EDDM3A: variants seen among roughly 807,000 people sequenced by gnomAD.
EDDM3A encodes the protein epididymal protein 3A.
For missense variants in EDDM3A, 199 were observed against 177.4 expected (o/e 1.12, Z -0.69); for synonymous variants, 75 against 60.4 (o/e 1.24, Z -1.12).
upstream of EDDM3A, among the ~76,000 whole-genome samples, chr14:20,744,560 G>T (rs922134232): frequency 6.6e-6 from 1 of 152,148 alleles, no homozygotes; most frequent in African/African-American, 2.4e-5. Context: ...GGAAAATTCC[G>T]GCTGTGATGT....
the EDDM3A span, among the ~76,000 whole-genome samples, chr14:20,736,436 A>T: frequency 6.6e-6 from 1 of 152,136 alleles, no homozygotes; most frequent in African/African-American, 2.4e-5. Context: ...GGTTCAAAAT[A>T]ATATAGAGTT....
upstream of EDDM3A, among the ~76,000 whole-genome samples, chr14:20,745,406 G>A (rs552239447): frequency 2.7e-4 from 41 of 151,984 alleles, no homozygotes; most frequent in South Asian, 8.3e-3. Context: ...GGCGCCTATA[G>A]TCCCAGCTAC....
intron 1 of EDDM3A, among the ~76,000 whole-genome samples, chr14:20,746,224 A>G (rs1046152429): frequency 3.3e-5 from 5 of 151,976 alleles, no homozygotes; most frequent in African/African-American, 1.2e-4. Flanking sequence ...CTACTCTTCT[A>G]TCTTGTGTAG....
At chr14:20,740,230 G>C in the EDDM3A span, among the ~76,000 whole-genome samples, 1 of 152,306 alleles carries the variant, frequency 6.6e-6, no homozygotes, top group African/African-American at 2.4e-5. Context: ...TTGACTTGCT[G>C]GGCATAAGGC....
chr14:20,741,855 T>G (rs1243840865), upstream of EDDM3A, among the ~76,000 whole-genome samples: 4 of 151,770 alleles, frequency 2.6e-5, no homozygotes. Context: ...TAGATACCAG[T>G]GCCACCTACT....
Position 20,748,336 on chromosome 14 carries a change from T to A in EDDM3A, c.*312T>A. The A allele has an allele frequency of 4.1e-6, 1 of 246,186 alleles. No individual in the cohort carries two copies. The allele number at this position is 246,186 out of a possible 1,614,324, so 15.3% of individuals were successfully genotyped here. Reference sequence around the variant, plus strand: ...TGACTCTCTTTATACCTACCCAAGCTGAACGACCCTCCTTTTCTTAAATAA... The same window carrying A: ...TGACTCTCTTTATACCTACCCAAGCAGAACGACCCTCCTTTTCTTAAATAA... On this transcript the variant is annotated 3_prime_UTR_variant, in exon 2 of 2. Transcript: ENST00000326842.
At chr14:20,737,263 C>T in the EDDM3A span, among the ~76,000 whole-genome samples, 1 of 151,984 alleles carries the variant, frequency 6.6e-6, no homozygotes, top group African/African-American at 2.4e-5. Flanking sequence ...GCCATGTTGG[C>T]CAGGCTGGTC....
At chr14:20,742,014 T>C (rs1288748849), upstream of EDDM3A, among the ~76,000 whole-genome samples, 3 of 152,258 alleles carry the variant, frequency 2.0e-5, no homozygotes, top group Non-Finnish European at 4.4e-5. Context: ...TACATATGCC[T>C]GAATACCTTA....
the EDDM3A span, among the ~76,000 whole-genome samples, chr14:20,736,269 C>A: frequency 2.0e-5 from 3 of 152,018 alleles, no homozygotes; most frequent in African/African-American, 7.3e-5. Context: ...GTCACCATGC[C>A]CAGCTAATTT....
the EDDM3A span, among the ~76,000 whole-genome samples, chr14:20,737,532 T>C: frequency 2.0e-5 from 3 of 152,292 alleles, no homozygotes; most frequent in South Asian, 2.1e-4. Context: ...CTAGACTCAG[T>C]TCCTTAAGAA....
upstream of EDDM3A, among the ~76,000 whole-genome samples, chr14:20,743,216 C>T (rs1314458396): frequency 1.3e-5 from 2 of 152,174 alleles, no homozygotes; most frequent in African/African-American, 2.4e-5. Flanking sequence ...TTTTGTGAAA[C>T]AGTAGTTCAC....
the EDDM3A span, among the ~76,000 whole-genome samples, chr14:20,736,107 CTTT>C: frequency 0.45 from 64,446 of 144,662 alleles, 14,890 homozygotes; most frequent in East Asian, 0.66. Flanking sequence ...CCCATCATCA[CTTT>C]TTTTTTTTTT....
At position 20,747,584 on chromosome 14, in the gene EDDM3A, A is replaced by T; in HGVS notation, c.4A>T (p.Thr2Ser). 6.3e-7 allele frequency: 1 copy of T among 1,597,690 alleles called. No individual in the cohort carries two copies. The highest frequency in any genetic ancestry group is 8.5e-7 in the Non-Finnish European group (1 of 1,171,926). ...GCAGGTGGACGTGGTGACTGAGATG[A>T]CATCCTCTCTAAAGATTTGGGGCAT... is the stretch of plus-strand genomic sequence containing the variant. Reference protein sequence around the residue: MTSSLKIWGILL... With the variant: MSSSLKIWGILL... The change falls in exon 2 of 2, where the codon ACA (threonine) becomes TCA (serine). Residue 2 changes from threonine to serine, a missense_variant. Thr to Ser is a moderately conservative substitution (Grantham distance 58). Transcript: ENST00000326842.
upstream of EDDM3A, among the ~76,000 whole-genome samples, chr14:20,745,078 T>C (rs575936744): frequency 6.6e-6 from 1 of 152,110 alleles, no homozygotes; most frequent in Non-Finnish European, 1.5e-5. Context: ...TACAAAAAAC[T>C]AGCCAGGCAT....
the EDDM3A span, among the ~76,000 whole-genome samples, chr14:20,737,054 C>CT: frequency 0.17 from 18,929 of 109,898 alleles, 2,102 homozygotes; most frequent in African/African-American, 0.33. Context: ...TTTCTTTTTC[C>CT]TTTTTTTTTT....
chr14:20,736,463 T>A, the EDDM3A span, among the ~76,000 whole-genome samples: 1 of 152,198 alleles, frequency 6.6e-6, no homozygotes, highest in Non-Finnish European at 1.5e-5. Context: ...GCTTATATTT[T>A]GAATGAATTA....
the EDDM3A span, among the ~76,000 whole-genome samples, chr14:20,736,944 C>T: frequency 2.0e-5 from 3 of 151,756 alleles, no homozygotes; most frequent in South Asian, 4.2e-4. Flanking sequence ...AACTCCTGAG[C>T]TCAGGGAATC....
chr14:20,741,738 A>T (rs117174821), upstream of EDDM3A, among the ~76,000 whole-genome samples: 865 of 152,290 alleles, frequency 5.7e-3, 5 homozygotes, highest in Non-Finnish European at 8.7e-3. Context: ...AGGATCAAAA[A>T]TGATGGGGCC....
the EDDM3A span, among the ~76,000 whole-genome samples, chr14:20,738,506 T>TAAAC: frequency 5.3e-4 from 76 of 144,418 alleles, no homozygotes; most frequent in African/African-American, 1.4e-3. Context: ...AATAAATAAA[T>TAAAC]AAACAGTAGC....
Sources: gnomAD v4.1 joint callset for allele counts (sites outside exome capture counted in the v4.1 genomes callset) on GRCh38, gnomAD v4.1.1 for gene constraint, MANE v1.5 for transcripts, NCBI Gene and HGNC (gene_info 2026-07-23, HGNC 2026-07-21) for gene names.